Variants in PAX1 observed in about 807,000 individuals in gnomAD.
PAX1 encodes the protein paired box 1, also known as paired box protein Pax-1.
Under a neutral mutation model 35.6 loss-of-function variants are expected in PAX1, and 18 were observed. The ratio of observed to expected loss-of-function variants is 0.50; its 90% CI spans 0.35 to 0.75. PAX1 has a LOEUF of 0.75. PAX1 is among the 30% of genes least tolerant of loss of function. The pLI, the probability that PAX1 is intolerant of heterozygous loss-of-function variation, is 0.01. For synonymous variants in PAX1, 397 were observed against 305.2 expected (o/e 1.30, Z -3.14); for missense variants, 760 against 661.5 (o/e 1.15, Z -1.63).
rs961012616 is a variant in PAX1, at chr20:21,705,881, C to T, written c.169C>T (p.Pro57Ser). Residue 57 changes from proline to serine, a missense_variant, in exon 1 of 5, where the codon CCT becomes TCT. Transcript: ENST00000613128. The part of the protein sequence containing the change: ...RRGSRLSGAL[P>S]LCLSRGGGGA... ...CGGCTCTCGGCTCTCGGGCGCCCTCCCTCTATGCCTCTCACGCGGCGGCGG... is the reference window on the plus strand; with the variant it reads ...CGGCTCTCGGCTCTCGGGCGCCCTCTCTCTATGCCTCTCACGCGGCGGCGG... 21 of 1,387,348 alleles carry T rather than the reference C, an allele frequency of 1.5e-5. No homozygotes were observed. The Admixed American group carries it at 1.7e-4, about 11-fold the overall frequency. 85.9% of individuals were successfully genotyped at this position (1,387,348 alleles called of 1,614,324 possible).
chr20:21,710,135 G>T (rs2122141638), intron 4 of PAX1, among the ~76,000 whole-genome samples: 1 of 152,162 alleles, frequency 6.6e-6, no homozygotes, highest in East Asian at 1.9e-4. Flanking sequence ...GTGCCTGGGA[G>T]TCTTGCCTCC....
chr20:21,714,720 C>G lies in PAX1; in HGVS notation c.*158C>G. On this transcript the variant is annotated 3_prime_UTR_variant, in exon 5 of 5. Coordinates refer to ENST00000613128, the MANE Select transcript of PAX1 (RefSeq NM_001257096.2). Reference sequence around the variant, plus strand: ...GCGGGGTGCACGCCCAGCCAGCCCCCAGGCCCAGCCCTGCCTCTGGCCGGA... The same window carrying G: ...GCGGGGTGCACGCCCAGCCAGCCCCGAGGCCCAGCCCTGCCTCTGGCCGGA... 6.2e-7 allele frequency: 1 copy of G among 1,605,618 alleles called. No homozygotes were observed. The highest frequency in any genetic ancestry group is 8.5e-7 in the Non-Finnish European group (1 of 1,179,828).
In PAX1 at chr20:21,706,218, G is replaced by A. The variant is rs71336753; in HGVS notation, c.286+220G>A. The A allele has an allele frequency of 3.9e-6, 3 of 774,644 alleles. No individual in the cohort carries two copies. The South Asian group carries it at 4.3e-5, about 11-fold the overall frequency. The allele number at this position is 774,644 out of a possible 1,614,324, so 48.0% of individuals were successfully genotyped here. On this transcript the variant is annotated intron_variant, in intron 1 of 4. Coordinates refer to ENST00000613128, the MANE Select transcript of PAX1 (RefSeq NM_001257096.2). This position sits in a 1 kb window ranked among gnomAD's most constrained non-coding sequence, Gnocchi z 5.3. ...TAAAAGTCGCGAAAGGGCACGGAGG[G>A]CTACAATGCGCCGCGCTCCACTCCG...
In PAX1 at chr20:21,714,757, T is replaced by G; in HGVS notation, c.*195T>G. 1 of 1,602,164 alleles carries G rather than the reference T, an allele frequency of 6.2e-7. No individual in the cohort carries two copies. The highest frequency in any genetic ancestry group is 2.2e-5 in the East Asian group (1 of 44,842). On this transcript the variant is annotated 3_prime_UTR_variant, in exon 5 of 5. Coordinates refer to ENST00000613128, the MANE Select transcript of PAX1 (RefSeq NM_001257096.2). The stretch of plus-strand genomic sequence containing the variant: ...TGCCTCTGGCCGGACCCACCACACT[T>G]CCTTTATTGGTCTGGGTTTTTAGGC...
In PAX1 at chr20:21,714,722, G is replaced by A; in HGVS notation, c.*160G>A. The A allele has an allele frequency of 6.2e-7, 1 of 1,605,560 alleles. No individual in the cohort carries two copies. Among genetic ancestry groups the A allele is most frequent in the East Asian group, 2.2e-5 (1 of 44,846 alleles). On this transcript the variant is annotated 3_prime_UTR_variant, in exon 5 of 5. Transcript: ENST00000613128. ...GGGGTGCACGCCCAGCCAGCCCCCA[G>A]GCCCAGCCCTGCCTCTGGCCGGACC...
chr20:21,712,028 T>G (rs573158768), intron 4 of PAX1, among the ~76,000 whole-genome samples: 1 of 152,330 alleles, frequency 6.6e-6, no homozygotes, highest in African/African-American at 2.4e-5. Flanking sequence ...TTCTTCTGTG[T>G]AATGAAAAGC....
At position 21,714,903 on chromosome 20, in the gene PAX1, GC is replaced by G; in HGVS notation, c.*343del. 1 of 928,740 alleles carries G rather than the reference GC, an allele frequency of 1.1e-6. No individual in the cohort carries two copies. The highest frequency in any genetic ancestry group is 2.5e-5 in the East Asian group (1 of 39,260). The allele number at this position is 928,740 out of a possible 1,614,324, so 57.5% of individuals were successfully genotyped here. A position where few individuals can be genotyped will look rare whatever the true frequency, so the allele number is the denominator to read the frequency against. ...TCACTCCCTTGTCCGTCTCCGTCTCGCCTCTCTCCCTGTTTCCTTCCCCCCT... is the reference window on the plus strand; with the variant it reads ...TCACTCCCTTGTCCGTCTCCGTCTCGCTCTCTCCCTGTTTCCTTCCCCCCT... On this transcript the variant is annotated 3_prime_UTR_variant, in exon 5 of 5. Coordinates refer to ENST00000613128, the MANE Select transcript of PAX1 (RefSeq NM_001257096.2).
rs554946889 is a variant in PAX1, at chr20:21,706,535, G to A, written c.384G>A (p.Gln128=). 30 of 1,612,360 alleles carry A rather than the reference G, an allele frequency of 1.9e-5. No individual in the cohort carries two copies. The African/African-American group carries it at 3.9e-4, about 21-fold the overall frequency. ...GCTTGCGCATTGTGGAGCTGGCGCAGCTGGGCATCCGACCCTGTGACATCA... is the reference window on the plus strand; with the variant it reads ...GCTTGCGCATTGTGGAGCTGGCGCAACTGGGCATCCGACCCTGTGACATCA... ...AIRLRIVELA[Q]LGIRPCDISR... is the part of the protein sequence containing the mutation. Residue 128 remains glutamine, a synonymous_variant, in exon 2 of 5, where the codon CAG becomes CAA. Coordinates refer to ENST00000613128, the MANE Select transcript of PAX1 (RefSeq NM_001257096.2). This position sits in a 1 kb window ranked among gnomAD's most constrained non-coding sequence, Gnocchi z 5.3.
In PAX1 at chr20:21,716,414, T is replaced by G. The variant is rs994851375; in HGVS notation, c.*1852T>G. On this transcript the variant is annotated 3_prime_UTR_variant, in exon 5 of 5. Coordinates refer to ENST00000613128, the MANE Select transcript of PAX1 (RefSeq NM_001257096.2). ...TGGTAAACAGTTTTTGTTTCAACTC[T>G]TTTTGATAGTATCTGTTGAAGGTAT... is the stretch of plus-strand genomic sequence containing the variant. 6.6e-6 allele frequency: 1 copy of G among 152,182 alleles called. No individual in the cohort carries two copies. The highest frequency in any genetic ancestry group is 2.4e-5 in the African/African-American group (1 of 41,444). The allele number at this position is 152,182 out of a possible 1,614,324, so 9.4% of individuals were successfully genotyped here. A position where few individuals can be genotyped will look rare whatever the true frequency, so the allele number is the denominator to read the frequency against.
chr20:21,712,638 C>T (rs17861048), intron 4 of PAX1, among the ~76,000 whole-genome samples: 10,530 of 152,286 alleles, frequency 0.069, 1,274 homozygotes, highest in African/African-American at 0.24. Context: ...CTATAAGATA[C>T]TGCATACGCA....
At chr20:21,709,550 G>A in intron 4 of PAX1, 106 bp downstream of exon 4, 1 of 854,354 alleles carries the variant, frequency 1.2e-6, no homozygotes, top group Non-Finnish European at 1.8e-6. Context: ...GGAAGAGGTG[G>A]GTCCTGGGCA....
intron 2 of PAX1, among the ~76,000 whole-genome samples, chr20:21,707,395 C>T (rs1196875809): frequency 6.6e-6 from 1 of 152,136 alleles, no homozygotes; most frequent in East Asian, 1.9e-4. Flanking sequence ...AAAACCCGCT[C>T]AATTTTGAGA....
At chr20:21,712,697 C>T (rs1373082994) in intron 4 of PAX1, among the ~76,000 whole-genome samples, 2 of 152,236 alleles carry the variant, frequency 1.3e-5, no homozygotes, top group Admixed American at 1.3e-4. Flanking sequence ...TGCAGCTTCG[C>T]TCCAGTTACC....
chr20:21,708,538 C>G lies in PAX1; in HGVS notation c.917-20C>G, dbSNP rs1452775761. ...GGCAGATTCGGAGGCACCTTTTAAT[C>G]CGTCCTCTCTCTCCTGCAGGGGCCC... On this transcript the variant is annotated intron_variant, in intron 2 of 4. Transcript: ENST00000613128. 6.2e-7 allele frequency: 1 copy of G among 1,612,930 alleles called. No individual in the cohort carries two copies. The highest frequency in any genetic ancestry group is 8.5e-7 in the Non-Finnish European group (1 of 1,179,956).
At position 21,715,173 on chromosome 20, in the gene PAX1, G is replaced by A. The variant is rs1985329869; in HGVS notation, c.*611G>A. ...TCTGTCTCTGGTTCTACTGTCAAGG[G>A]CCCTAGTTCCCTTTGTTTTACTGCT... On this transcript the variant is annotated 3_prime_UTR_variant, in exon 5 of 5. Coordinates refer to ENST00000613128, the MANE Select transcript of PAX1 (RefSeq NM_001257096.2). 3.2e-6 allele frequency: 1 copy of A among 309,436 alleles called. No individual in the cohort carries two copies. Among genetic ancestry groups the A allele is most frequent in the Non-Finnish European group, 6.1e-6 (1 of 164,134 alleles). 19.2% of individuals were successfully genotyped at this position (309,436 alleles called of 1,614,324 possible). A position where few individuals can be genotyped will look rare whatever the true frequency, so the allele number is the denominator to read the frequency against.
intron 4 of PAX1, among the ~76,000 whole-genome samples, chr20:21,712,501 A>G (rs1186813013): frequency 6.6e-6 from 1 of 152,154 alleles, no homozygotes; most frequent in Non-Finnish European, 1.5e-5. Context: ...CTTAGGTGAC[A>G]GACACCACCA....
At chr20:21,712,665 C>T (rs1985232461) in intron 4 of PAX1, among the ~76,000 whole-genome samples, 1 of 152,216 alleles carries the variant, frequency 6.6e-6, no homozygotes, top group Non-Finnish European at 1.5e-5. Flanking sequence ...AAATGTATTG[C>T]TTTTATTTGT....
In PAX1 at chr20:21,706,018, C is replaced by T. The variant is rs1326382202; in HGVS notation, c.286+20C>T. On this transcript the variant is annotated intron_variant, in intron 1 of 4. Coordinates refer to ENST00000613128, the MANE Select transcript of PAX1 (RefSeq NM_001257096.2). This position sits in a 1 kb window ranked among gnomAD's most constrained non-coding sequence, Gnocchi z 5.3. Reference sequence around the variant, plus strand: ...CTATGGGTAAGGGGCGGGCGACAGGCAGGGCTCGGGAGGGCTGATGAGGTG... The same window carrying T: ...CTATGGGTAAGGGGCGGGCGACAGGTAGGGCTCGGGAGGGCTGATGAGGTG... 2 of 1,460,648 alleles carry T rather than the reference C, an allele frequency of 1.4e-6. No homozygotes were observed. Among genetic ancestry groups the T allele is most frequent in the African/African-American group, 1.4e-5 (1 of 70,352 alleles). 90.5% of individuals were successfully genotyped at this position (1,460,648 alleles called of 1,614,324 possible).
At chr20:21,709,152 G>T in intron 3 of PAX1, 70 bp from the exon 4 acceptor site, 1 of 1,187,334 alleles carries the variant, frequency 8.4e-7, no homozygotes, top group Non-Finnish European at 1.2e-6. Context: ...GAAAACCCCC[G>T]TCTCAGTGAT....
Sources: gnomAD v4.1 joint callset for allele counts (sites outside exome capture counted in the v4.1 genomes callset) on GRCh38, gnomAD v4.1.1 for gene constraint, Gnocchi (gnomAD v3.1) non-coding constraint, MANE v1.5 for transcripts, NCBI Gene and HGNC (gene_info 2026-07-23, HGNC 2026-07-21) for gene names.